PHC2: variants seen among roughly 807,000 people sequenced by gnomAD.
The protein encoded by PHC2 is polyhomeotic homolog 2.
Under a neutral mutation model 87.4 loss-of-function variants are expected in PHC2, and 29 were observed. The ratio of observed to expected loss-of-function variants is 0.33; its 90% CI spans 0.25 to 0.45. The LOEUF is 0.45. PHC2 is among the 20% of genes least tolerant of loss of function. PHC2 has a pLI of 1.00. For synonymous variants in PHC2, 438 were observed against 461.7 expected (o/e 0.95, Z 0.66); for missense variants, 857 against 1,136.7 (o/e 0.75, Z 3.54).
Position 33,329,078 on chromosome 1 carries a change from G to A in PHC2, c.2217C>T (p.Ser739=). Residue 739 remains serine (S), a synonymous_variant, in exon 14 of 15, where the codon AGC becomes AGT. Coordinates refer to ENST00000683057, the MANE Select transcript of PHC2 (RefSeq NM_001385109.1). The part of the protein sequence containing the change: ...LQLTHSQEDS[S]RCSDNSSYEE... ...CATAGCTTGAGTTATCTGAGCAACG[G>A]CTGGAGTCTTCCTGGCTGTGTGTTA... 1.9e-6 allele frequency: 3 copies of A among 1,614,202 alleles called. No homozygotes were observed. The highest frequency in any genetic ancestry group is 2.5e-6 in the Non-Finnish European group (3 of 1,180,042).
chr1:33,372,329 A>T lies in PHC2; in HGVS notation c.293T>A (p.Leu98His). 6.2e-7 allele frequency: 1 copy of T among 1,601,158 alleles called. No homozygotes were observed. The highest frequency in any genetic ancestry group is 8.5e-7 in the Non-Finnish European group (1 of 1,172,102). ...CAGGCTCTGGAGCTGGGCGCTGCTG[A>T]GGTGCTGCTGCTGGAGCGCCGCGGT... is the stretch of plus-strand genomic sequence containing the variant. Reference protein sequence around the residue: ...LQTAALQQQHLSSAQLQSLAA... With the variant: ...LQTAALQQQHHSSAQLQSLAA... The change falls in exon 3 of 15, where the codon CTC (leucine) becomes CAC (histidine). Residue 98 changes from leucine to histidine, a missense_variant. Physicochemically the swap from Leu to His is moderately conservative, Grantham distance 99. Coordinates refer to ENST00000683057, the MANE Select transcript of PHC2 (RefSeq NM_001385109.1).
chr1:33,363,779 G>C, intron 7 of PHC2: 1 of 985,348 alleles, frequency 1.0e-6, no homozygotes, highest in Non-Finnish European at 1.2e-6. Flanking sequence ...TTATCCACTA[G>C]AATGAGGACT....
intron 1 of PHC2, among the ~76,000 whole-genome samples, chr1:33,386,796 CAG>C (rs1185264794): frequency 1.3e-5 from 2 of 152,118 alleles, no homozygotes; most frequent in African/African-American, 4.8e-5. Flanking sequence ...ACACACATCA[CAG>C]TGTGCGCACA....
chr1:33,430,857 G>T (rs996433386), intron 1 of PHC2, 119 bp downstream of exon 1: 3 of 150,264 alleles, frequency 2.0e-5, no homozygotes, highest in East Asian at 3.9e-4. Flanking sequence ...CGAGCGCTCC[G>T]GCCCGACCGT....
chr1:33,358,784 A>G lies in PHC2; in HGVS notation c.977-3531T>C, dbSNP rs1647140653. The stretch of plus-strand genomic sequence containing the variant: ...ATCTTTACTGTTCACTGTACCCTGT[A>G]CAGAGTATATGCCTTTTCTCATACT... On this transcript the variant is annotated intron_variant, in intron 7 of 14. Transcript: ENST00000683057. The G allele has an allele frequency of 2.6e-5, 4 of 152,230 alleles. No individual in the cohort carries two copies. In the South Asian group the frequency reaches 8.3e-4, roughly 32 times the overall value. 9.4% of individuals were successfully genotyped at this position (152,230 alleles called of 1,614,324 possible).
At chr1:33,383,044 A>G (rs1209051490) in intron 1 of PHC2, among the ~76,000 whole-genome samples, 1 of 152,200 alleles carries the variant, frequency 6.6e-6, no homozygotes, top group Non-Finnish European at 1.5e-5. Context: ...GAGAGTCTGA[A>G]GAGATGGGTG....
intron 1 of PHC2, among the ~76,000 whole-genome samples, chr1:33,429,909 T>C (rs1399020782): frequency 1.3e-5 from 2 of 152,232 alleles, no homozygotes; most frequent in African/African-American, 4.8e-5. Flanking sequence ...ACGGGCGCAT[T>C]AGCCGATTTT....
chr1:33,344,785 T>C (rs1646815270), intron 9 of PHC2, among the ~76,000 whole-genome samples: 1 of 151,922 alleles, frequency 6.6e-6, no homozygotes, highest in South Asian at 2.1e-4. Context: ...TTTTTTTAAT[T>C]ATCTGTAGAG....
intron 9 of PHC2, among the ~76,000 whole-genome samples, chr1:33,337,242 C>T (rs557719728): frequency 2.6e-5 from 4 of 152,158 alleles, no homozygotes; most frequent in Non-Finnish European, 4.4e-5. Flanking sequence ...TATAATATGC[C>T]CACCCAATGA....
At chr1:33,378,943 A>G (rs1382783865) in intron 1 of PHC2, among the ~76,000 whole-genome samples, 1 of 152,052 alleles carries the variant, frequency 6.6e-6, no homozygotes, top group East Asian at 1.9e-4. Context: ...AGCCAAAGTC[A>G]TCATTAATGT....
chr1:33,335,899 TG>T (rs1365523578), intron 9 of PHC2, among the ~76,000 whole-genome samples: 35 of 119,458 alleles, frequency 2.9e-4, no homozygotes, highest in Non-Finnish European at 3.8e-4. Context: ...GACTCTATCT[TG>T]GGGGGGGAGG....
intron 1 of PHC2, among the ~76,000 whole-genome samples, chr1:33,401,515 C>T (rs888048557): frequency 6.6e-6 from 1 of 152,138 alleles, no homozygotes; most frequent in African/African-American, 2.4e-5. Context: ...ACTGTTAGCA[C>T]CTCTTACCAA....
At chr1:33,391,031 C>T (rs1011455893) in intron 1 of PHC2, among the ~76,000 whole-genome samples, 3 of 152,122 alleles carry the variant, frequency 2.0e-5, no homozygotes, top group Admixed American at 1.3e-4. Flanking sequence ...CACACATTGT[C>T]CCCTCTTTTC....
intron 9 of PHC2, among the ~76,000 whole-genome samples, chr1:33,335,632 C>T (rs1430866038): frequency 6.6e-6 from 1 of 152,212 alleles, no homozygotes; most frequent in African/African-American, 2.4e-5. Context: ...CCAGGCATGG[C>T]GGCTCACACC....
intron 7 of PHC2, chr1:33,363,859 C>A: frequency 4.1e-6 from 4 of 985,298 alleles, no homozygotes; most frequent in Non-Finnish European, 4.8e-6. Context: ...GAAGGCCAGG[C>A]CCAAGGGACC....
chr1:33,427,363 T>C (rs1324481), intron 1 of PHC2, among the ~76,000 whole-genome samples: 2 of 152,014 alleles, frequency 1.3e-5, no homozygotes, highest in African/African-American at 4.8e-5. Flanking sequence ...GGATATGAAA[T>C]AAAAAGAATA....
At chr1:33,404,134 T>A (rs1361425063) in intron 1 of PHC2, among the ~76,000 whole-genome samples, 1 of 152,206 alleles carries the variant, frequency 6.6e-6, no homozygotes, top group East Asian at 1.9e-4. Flanking sequence ...AATTTTAACC[T>A]GTTAAAATTG....
Position 33,334,305 on chromosome 1 carries a change from G to C in PHC2, c.1559-13C>G, listed in dbSNP as rs1424983988. 1.9e-6 allele frequency: 3 copies of C among 1,610,600 alleles called. No individual in the cohort carries two copies. Among genetic ancestry groups the C allele is most frequent in the African/African-American group, 2.7e-5 (2 of 74,836 alleles). On this transcript the variant is annotated splice_polypyrimidine_tract_variant and intron_variant, in intron 9 of 14. Coordinates refer to ENST00000683057, the MANE Select transcript of PHC2 (RefSeq NM_001385109.1). This position sits in a 1 kb window ranked among gnomAD's most constrained non-coding sequence, Gnocchi z 5.5. Reference sequence around the variant, plus strand: ...CCCTGCCCTGTCTCTGCACGAGAGAGAGTAGGAAAACAAAGCAGGGGAGAT... The same window carrying C: ...CCCTGCCCTGTCTCTGCACGAGAGACAGTAGGAAAACAAAGCAGGGGAGAT...
intron 10 of PHC2, among the ~76,000 whole-genome samples, chr1:33,333,024 G>A (rs542765210): frequency 2.6e-5 from 4 of 152,250 alleles, no homozygotes; most frequent in East Asian, 1.9e-4. Context: ...ACGTGGCACC[G>A]ACTCTAGGGC....
Sources: allele counts gnomAD v4.1 joint callset (sites outside exome capture counted in the v4.1 genomes callset), GRCh38; gene constraint gnomAD v4.1.1; non-coding constraint Gnocchi (gnomAD v3.1); transcripts MANE v1.5; gene names NCBI Gene and HGNC (gene_info 2026-07-23, HGNC 2026-07-21).